The following CSMD1 variants were observed in gnomAD, a reference collection of about 807,000 sequenced individuals.
CSMD1 encodes the protein CUB and Sushi multiple domains 1.
CSMD1 carries 213 observed loss-of-function variants against 417.5 expected under a neutral mutation model. The ratio of observed to expected loss-of-function variants is 0.51; its 90% CI spans 0.46 to 0.57. The LOEUF (loss-of-function observed/expected upper bound fraction) is 0.57, where lower values mean the gene tolerates loss of function less well. Ranked by LOEUF, CSMD1 falls within the 20% of genes least tolerant of loss-of-function variation. CSMD1 has a pLI of 0.00. For synonymous variants in CSMD1, 2,862 were observed against 1,736.8 expected, an observed-to-expected ratio of 1.65 and a Z score of -16.11; for missense variants, 6,923 against 4,529.7, an observed-to-expected ratio of 1.53 and a Z score of -15.17.
At chr8:4,677,357 T>C (rs1805762742) in intron 1 of CSMD1, among the ~76,000 whole-genome samples, 2 of 152,048 alleles carry the variant, frequency 1.3e-5, no homozygotes, top group Non-Finnish European at 2.9e-5. Flanking sequence ...ACCTATTTAT[T>C]TATCTTGGAT....
At chr8:4,089,103 C>A (rs561699184) in intron 3 of CSMD1, among the ~76,000 whole-genome samples, 1 of 152,306 alleles carries the variant, frequency 6.6e-6, no homozygotes, top group East Asian at 1.9e-4. Context: ...ATTCAGGAAA[C>A]TTAACACAAT....
intron 1 of CSMD1, among the ~76,000 whole-genome samples, chr8:4,949,317 T>C (rs886851417): frequency 1.3e-5 from 2 of 152,100 alleles, no homozygotes; most frequent in Non-Finnish European, 2.9e-5. Flanking sequence ...AAAAAAAAGT[T>C]ATTTTGGCCT....
intron 7 of CSMD1, among the ~76,000 whole-genome samples, chr8:3,670,567 T>TATATATATATG (rs1798945249): frequency 1.4e-5 from 2 of 147,102 alleles, no homozygotes; most frequent in Non-Finnish European, 3.0e-5. Flanking sequence ...ATATGCGATA[T>TATATATATATG]ATATATATGG....
chr8:4,377,971 T>C (rs1802862017), intron 3 of CSMD1, among the ~76,000 whole-genome samples: 1 of 152,216 alleles, frequency 6.6e-6, no homozygotes, highest in East Asian at 1.9e-4. Flanking sequence ...AATGATAGAA[T>C]TGTAGTGCTG....
intron 3 of CSMD1, among the ~76,000 whole-genome samples, chr8:4,276,838 T>G (rs1333681219): frequency 4.6e-5 from 7 of 152,174 alleles, no homozygotes; most frequent in African/African-American, 1.7e-4. Flanking sequence ...AGAAATACAA[T>G]AAATGTTCAA....
At chr8:3,678,564 G>A (rs1447387456) in intron 7 of CSMD1, among the ~76,000 whole-genome samples, 1 of 152,188 alleles carries the variant, frequency 6.6e-6, no homozygotes. Flanking sequence ...TGTCTGATTG[G>A]TGTACCTGAG....
intron 1 of CSMD1, among the ~76,000 whole-genome samples, chr8:4,818,275 G>T (rs1190399004): frequency 6.6e-6 from 1 of 152,066 alleles, no homozygotes; most frequent in Non-Finnish European, 1.5e-5. Context: ...AGGTCACCCC[G>T]ATTTAGTCTA....
intron 5 of CSMD1, among the ~76,000 whole-genome samples, chr8:3,943,811 T>C (rs931512491): frequency 6.6e-6 from 1 of 152,066 alleles, no homozygotes; most frequent in South Asian, 2.1e-4. Flanking sequence ...TGGCCCTTAC[T>C]CTCCAAAAGT....
chr8:4,472,980 T>C (rs958492083), intron 2 of CSMD1, among the ~76,000 whole-genome samples: 5 of 151,968 alleles, frequency 3.3e-5, no homozygotes, highest in African/African-American at 1.2e-4. Context: ...TTCATATATA[T>C]TATTTTTATA....
intron 5 of CSMD1, among the ~76,000 whole-genome samples, chr8:3,895,308 G>A (rs1410300861): frequency 6.6e-6 from 1 of 152,084 alleles, no homozygotes; most frequent in African/African-American, 2.4e-5. Flanking sequence ...ACCTATCTAT[G>A]TTTATTAACA....
At chr8:4,908,679 A>C (rs2117078297) in intron 1 of CSMD1, among the ~76,000 whole-genome samples, 1 of 151,154 alleles carries the variant, frequency 6.6e-6, no homozygotes, top group East Asian at 1.9e-4. Flanking sequence ...GGCTGTATTC[A>C]GTCTAGCAAT....
chr8:4,937,261 C>G (rs1807681586), intron 1 of CSMD1, among the ~76,000 whole-genome samples: 1 of 152,052 alleles, frequency 6.6e-6, no homozygotes, highest in Admixed American at 6.6e-5. Context: ...AAGGACAAAT[C>G]TGGTGGTATA....
chr8:4,953,596 A>C (rs919106396), intron 1 of CSMD1, among the ~76,000 whole-genome samples: 3 of 152,176 alleles, frequency 2.0e-5, no homozygotes, highest in South Asian at 4.1e-4. Flanking sequence ...CTAGTCATAA[A>C]ATTTAGTAAA....
intron 2 of CSMD1, among the ~76,000 whole-genome samples, chr8:4,442,271 T>C (rs553016359): frequency 6.6e-6 from 1 of 152,244 alleles, no homozygotes; most frequent in East Asian, 1.9e-4. Context: ...TTTGTTTTTA[T>C]AACAGTAAAA....
chr8:3,801,527 G>T (rs995195529), intron 5 of CSMD1, among the ~76,000 whole-genome samples: 1 of 152,118 alleles, frequency 6.6e-6, no homozygotes, highest in African/African-American at 2.4e-5. Flanking sequence ...TTGTCGGAAA[G>T]TAAAATGTTA....
At chr8:3,084,161 AGT>A (rs1814347255) in intron 49 of CSMD1, among the ~76,000 whole-genome samples, 1 of 152,218 alleles carries the variant, frequency 6.6e-6, no homozygotes, top group Admixed American at 6.5e-5. Context: ...AAACCCACAA[AGT>A]CTCTTTCTGT....
At chr8:2,989,830 A>T (rs563418648) in intron 54 of CSMD1, among the ~76,000 whole-genome samples, 2 of 152,332 alleles carry the variant, frequency 1.3e-5, no homozygotes, top group South Asian at 2.1e-4. Flanking sequence ...TTTGTGTCCA[A>T]TGCACAGATG....
At position 3,902,198 on chromosome 8, in the gene CSMD1, T is replaced by A. The variant is rs2688262; in HGVS notation, c.818+95705A>T. On this transcript the variant is annotated intron_variant, in intron 5 of 69. Transcript: ENST00000635120. ...ATAAAATGGAGAATCTCACTTCTGA[T>A]ACTTCAGCATTTTCTATGATTTTCA... Among the ~76,000 whole-genome samples the A allele has an allele frequency of 3.9e-3, 592 of 152,300 alleles. 3 individuals are homozygous for A. The highest frequency in any genetic ancestry group is 0.014 in the African/African-American group (571 of 41,570).
chr8:3,881,840 C>T (rs1245757756), intron 5 of CSMD1, among the ~76,000 whole-genome samples: 1 of 152,000 alleles, frequency 6.6e-6, no homozygotes, highest in Non-Finnish European at 1.5e-5. Context: ...ATCCACACTG[C>T]TCAGGGCAAG....
Sources: allele counts gnomAD v4.1 joint callset (sites outside exome capture counted in the v4.1 genomes callset), GRCh38; gene constraint gnomAD v4.1.1; transcripts MANE v1.5; gene names NCBI Gene and HGNC (gene_info 2026-07-23, HGNC 2026-07-21).